The following GRB14 variants were observed in gnomAD, a reference collection of about 807,000 sequenced individuals.
The protein encoded by GRB14 is growth factor receptor-bound protein 14.
GRB14 carries 38 observed loss-of-function variants against 69.1 expected under a neutral mutation model. That is an observed-to-expected ratio of 0.55 (90% CI 0.42 to 0.72). The LOEUF is 0.72. Ranked by LOEUF, GRB14 falls within the 30% of genes least tolerant of loss-of-function variation. The probability of loss-of-function intolerance (pLI) is 0.00; values close to 1 mark genes in which losing one functional copy is unlikely to be tolerated. For synonymous variants in GRB14, 247 were observed against 241.3 expected (o/e 1.02, Z -0.22); for missense variants, 666 against 666.1 (o/e 1.00, Z 0.00).
At chr2:164,614,891 GA>G (rs1259455708) in intron 2 of GRB14, among the ~76,000 whole-genome samples, 8 of 152,164 alleles carry the variant, frequency 5.3e-5, no homozygotes, top group Non-Finnish European at 1.2e-4. Flanking sequence ...TTTGGGGACA[GA>G]GATCTGCTTA....
intron 2 of GRB14, among the ~76,000 whole-genome samples, chr2:164,579,878 T>C (rs955222969): frequency 2.0e-5 from 3 of 152,136 alleles, no homozygotes; most frequent in Non-Finnish European, 2.9e-5. Context: ...AAGTGGTTAT[T>C]TTTAATGTAT....
intron 6 of GRB14, among the ~76,000 whole-genome samples, chr2:164,520,187 TA>T (rs1687602382): frequency 6.6e-6 from 1 of 151,080 alleles, no homozygotes. Context: ...TGGAACAGAA[TA>T]CAGAAATAAA....
At chr2:164,496,716 T>C (rs181201684) in intron 12 of GRB14, among the ~76,000 whole-genome samples, 4 of 152,296 alleles carry the variant, frequency 2.6e-5, no homozygotes, top group East Asian at 1.9e-4. Context: ...TCAATTGATA[T>C]CTGAGATGCT....
At chr2:164,507,932 G>A (rs963131369) in intron 8 of GRB14, among the ~76,000 whole-genome samples, 1 of 152,126 alleles carries the variant, frequency 6.6e-6, no homozygotes, top group Non-Finnish European at 1.5e-5. Context: ...TTATGCTTAC[G>A]GAAGTTGTAA....
At chr2:164,503,503 T>G (rs1268559740) in intron 8 of GRB14, among the ~76,000 whole-genome samples, 1 of 149,424 alleles carries the variant, frequency 6.7e-6, no homozygotes, top group Non-Finnish European at 1.5e-5. Flanking sequence ...GGAGTCACTG[T>G]TTTCAAGATT....
intron 2 of GRB14, among the ~76,000 whole-genome samples, chr2:164,562,014 C>T (rs562690776): frequency 4.5e-4 from 68 of 152,272 alleles, no homozygotes; most frequent in African/African-American, 1.6e-3. Flanking sequence ...AAGGAAATAG[C>T]AGGTCAGTAT....
At chr2:164,498,127 A>G (rs1686953827) in intron 9 of GRB14, among the ~76,000 whole-genome samples, 1 of 152,170 alleles carries the variant, frequency 6.6e-6, no homozygotes, top group African/African-American at 2.4e-5. Context: ...AATTTAGTGA[A>G]AGAATAATCC....
chr2:164,507,041 G>A (rs922713290), intron 8 of GRB14, among the ~76,000 whole-genome samples: 2 of 152,028 alleles, frequency 1.3e-5, no homozygotes, highest in African/African-American at 2.4e-5. Flanking sequence ...TGCACTAAAC[G>A]CCACTGAATT....
intron 6 of GRB14, 84 bp from the exon 7 acceptor site, chr2:164,508,936 C>A: frequency 1.2e-6 from 1 of 823,286 alleles, no homozygotes. Flanking sequence ...ATACCTTGGG[C>A]AAAAACTTAT....
intron 2 of GRB14, among the ~76,000 whole-genome samples, chr2:164,584,787 A>T (rs1435130280): frequency 1.3e-5 from 2 of 152,194 alleles, no homozygotes; most frequent in Non-Finnish European, 2.9e-5. Flanking sequence ...ACTCTTTCTT[A>T]TATTTATCAA....
intron 3 of GRB14, among the ~76,000 whole-genome samples, chr2:164,540,958 G>A (rs1261173009): frequency 1.3e-5 from 2 of 151,950 alleles, no homozygotes; most frequent in Non-Finnish European, 2.9e-5. Flanking sequence ...AAATACTCAA[G>A]ATATATTTTA....
chr2:164,620,078 T>TCCCCCC (rs1342589289), intron 1 of GRB14: 1 of 32,338 alleles, frequency 3.1e-5, no homozygotes, highest in Non-Finnish European at 5.9e-5. Context: ...CCACCACCCC[T>TCCCCCC]CCCCCCCCCA....
At chr2:164,501,048 ATTCATTATTAT>A in intron 9 of GRB14, among the ~76,000 whole-genome samples, 1 of 152,220 alleles carries the variant, frequency 6.6e-6, no homozygotes, top group East Asian at 1.9e-4. Flanking sequence ...ATATAATAAA[ATTCATTATTAT>A]TTTTATATAC....
chr2:164,592,113 C>T (rs1193539107), intron 2 of GRB14, among the ~76,000 whole-genome samples: 1 of 151,736 alleles, frequency 6.6e-6, no homozygotes, highest in Non-Finnish European at 1.5e-5. Flanking sequence ...TATAAATTAC[C>T]CAGTCATGGG....
chr2:164,543,709 G>GA (rs1429927159), intron 3 of GRB14, among the ~76,000 whole-genome samples: 2 of 151,568 alleles, frequency 1.3e-5, no homozygotes, highest in Non-Finnish European at 1.5e-5. Flanking sequence ...CATTTAAGGA[G>GA]AAAAAAACCA....
chr2:164,552,475 T>C (rs2105314859), intron 2 of GRB14, among the ~76,000 whole-genome samples: 1 of 152,318 alleles, frequency 6.6e-6, no homozygotes, highest in South Asian at 2.1e-4. Context: ...AATTCCCATT[T>C]TTATGCTCAG....
chr2:164,620,356 T>C (rs940377222), intron 1 of GRB14, among the ~76,000 whole-genome samples: 2 of 152,244 alleles, frequency 1.3e-5, no homozygotes, highest in Admixed American at 1.3e-4. Flanking sequence ...ATTCACAATG[T>C]TGCCCACACA....
At chr2:164,530,943 A>C (rs1687917892) in intron 3 of GRB14, among the ~76,000 whole-genome samples, 1 of 152,208 alleles carries the variant, frequency 6.6e-6, no homozygotes, top group Non-Finnish European at 1.5e-5. Context: ...TTGGTAGGCT[A>C]TTGGAACTAA....
At chr2:164,502,681 G>A (rs1687088866) in intron 8 of GRB14, among the ~76,000 whole-genome samples, 1 of 151,132 alleles carries the variant, frequency 6.6e-6, no homozygotes, top group South Asian at 2.1e-4. Flanking sequence ...TGGGAAGGGC[G>A]ATGTGCTTTC....
Sources: allele counts gnomAD v4.1 joint callset (sites outside exome capture counted in the v4.1 genomes callset), GRCh38; gene constraint gnomAD v4.1.1; transcripts MANE v1.5; gene names NCBI Gene and HGNC (gene_info 2026-07-23, HGNC 2026-07-21).